CRYM: variants seen among roughly 807,000 people sequenced by gnomAD.
CRYM encodes the protein crystallin mu.
Under a neutral mutation model 32.9 loss-of-function variants are expected in CRYM, and 18 were observed. That is an observed-to-expected ratio of 0.55 (90% CI 0.38 to 0.81). The LOEUF is 0.81. Ranked by LOEUF, CRYM falls within the 30% of genes least tolerant of loss-of-function variation. The pLI is 0.00. For synonymous variants in CRYM, 153 were observed against 152.4 expected (o/e 1.00, Z -0.03); for missense variants, 337 against 393.5 (o/e 0.86, Z 1.21).
In CRYM at chr16:21,278,116, C is replaced by A. The variant is rs571066423; in HGVS notation, c.136G>T (p.Val46Leu). The A allele has an allele frequency of 8.4e-6, 13 of 1,548,584 alleles. No homozygotes were observed. In the East Asian group the frequency reaches 2.0e-4, roughly 23 times the overall value. The change falls in exon 1 of 8, where the codon GTG becomes TTG. Residue 46 changes from valine (V) to leucine (L), a missense_variant. Transcript: ENST00000572914. ...SGPEGGVMQP[V>L]RTVVPVTKHR... ...TTGGTCACCGGCACCACGGTGCGCACGGGCTGCATGACCCCTCCTTCGGGA... is the reference window on the plus strand; with the variant it reads ...TTGGTCACCGGCACCACGGTGCGCAAGGGCTGCATGACCCCTCCTTCGGGA...
At position 21,277,363 on chromosome 16, in the gene CRYM, G is replaced by T. The variant is rs2093388691; in HGVS notation, c.324+68C>A. 2 of 1,566,640 alleles carry T rather than the reference G, an allele frequency of 1.3e-6. No homozygotes were observed. Among genetic ancestry groups the T allele is most frequent in the Admixed American group, 1.7e-5 (1 of 59,562 alleles). On this transcript the variant is annotated intron_variant, in intron 2 of 7. Coordinates refer to ENST00000572914, the MANE Select transcript of CRYM (RefSeq NM_001376256.1). This position sits in a 1 kb window ranked among gnomAD's most constrained non-coding sequence, Gnocchi z 4.2. ...CAATCAAGACTCCCCCTGCTGCGGA[G>T]AACTTACTTTTGAGCTTCAATCTGG...
chr16:21,283,365 A>G (rs1409340387), intron 1 of CRYM: 1 of 152,228 alleles, frequency 6.6e-6, no homozygotes, highest in Non-Finnish European at 1.5e-5. Context: ...AAAATTTTCA[A>G]CAAAGACGGC....
chr16:21,298,671 A>G (rs1189870262), intron 1 of CRYM, among the ~76,000 whole-genome samples: 1 of 152,250 alleles, frequency 6.6e-6, no homozygotes, highest in Non-Finnish European at 1.5e-5. Flanking sequence ...AAAGCAATGG[A>G]TACTTTTTAT....
chr16:21,278,260 C>A lies in CRYM; in HGVS notation c.-9G>T. ...GCTGGTACCCGGCTCATCTCGCCACCTGTGCCTTCTAACCTCAGTCTCCGC... is the reference window on the plus strand; with the variant it reads ...GCTGGTACCCGGCTCATCTCGCCACATGTGCCTTCTAACCTCAGTCTCCGC... On this transcript the variant is annotated 5_prime_UTR_variant, in exon 1 of 8. In the 5' UTR this introduces an upstream ATG that the reference lacks. Transcript: ENST00000572914. 6.3e-7 allele frequency: 1 copy of A among 1,583,096 alleles called. No individual in the cohort carries two copies. The highest frequency in any genetic ancestry group is 8.6e-7 in the Non-Finnish European group (1 of 1,169,326).
chr16:21,297,318 G>A (rs71374857), intron 1 of CRYM, among the ~76,000 whole-genome samples: 24 of 151,978 alleles, frequency 1.6e-4, no homozygotes, highest in African/African-American at 3.6e-4. Flanking sequence ...TGCTTGATCC[G>A]GGAGGCAGAG....
intron 6 of CRYM, 84 bp from the exon 7 acceptor site, chr16:21,261,422 G>C (rs938459792): frequency 1.2e-6 from 1 of 840,502 alleles, no homozygotes; most frequent in Admixed American, 1.9e-5. Context: ...GGGAATTCCT[G>C]AATTGGATAA....
At chr16:21,281,404 C>T (rs1049558371), upstream of CRYM, among the ~76,000 whole-genome samples, 5 of 151,718 alleles carry the variant, frequency 3.3e-5, no homozygotes, top group African/African-American at 1.2e-4. Context: ...TTTGTACTTT[C>T]AGTAGAGATG....
Position 21,270,154 on chromosome 16 carries a change from T to C in CRYM, c.388-263A>G, listed in dbSNP as rs1230937563. Reference sequence around the variant, plus strand: ...TTAGTCTAGACATTGACCCTACGAGTTGGGGACTCCTACTATCTTCTTCTT... The same window carrying C: ...TTAGTCTAGACATTGACCCTACGAGCTGGGGACTCCTACTATCTTCTTCTT... On this transcript the variant is annotated intron_variant, in intron 3 of 7. Transcript: ENST00000572914. Among the ~76,000 whole-genome samples, 8 of 152,296 alleles carry C rather than the reference T, an allele frequency of 5.3e-5. No individual in the cohort carries two copies. In the East Asian group the frequency reaches 1.2e-3, roughly 22 times the overall value.
intron 1 of CRYM, among the ~76,000 whole-genome samples, chr16:21,295,557 T>A (rs566552444): frequency 3.3e-5 from 5 of 152,316 alleles, no homozygotes; most frequent in African/African-American, 1.2e-4. Flanking sequence ...TTTTGTATGT[T>A]GTGCTTTTCA....
At chr16:21,299,501 G>T (rs1194912881) in intron 1 of CRYM, among the ~76,000 whole-genome samples, 1 of 152,062 alleles carries the variant, frequency 6.6e-6, no homozygotes, top group East Asian at 1.9e-4. Context: ...GTAGAGACAG[G>T]GTTTCGCCAT....
chr16:21,260,112 G>C (rs993279324), intron 7 of CRYM, among the ~76,000 whole-genome samples: 3 of 152,128 alleles, frequency 2.0e-5, no homozygotes, highest in Admixed American at 2.0e-4. Flanking sequence ...TTAACCAATG[G>C]CATGGGCTCT....
At chr16:21,297,122 G>C (rs1302779630) in intron 1 of CRYM, among the ~76,000 whole-genome samples, 3 of 152,100 alleles carry the variant, frequency 2.0e-5, no homozygotes, top group Admixed American at 6.6e-5. Flanking sequence ...GGCCAGGCGC[G>C]GTGGCTCACG....
At chr16:21,271,889 C>T (rs1306224709) in intron 3 of CRYM, among the ~76,000 whole-genome samples, 3 of 151,786 alleles carry the variant, frequency 2.0e-5, no homozygotes, top group African/African-American at 2.4e-5. Flanking sequence ...GAGACAGTCT[C>T]GCTTTGTCGC....
intron 4 of CRYM, among the ~76,000 whole-genome samples, chr16:21,269,130 C>T (rs1292374865): frequency 5.4e-5 from 7 of 129,538 alleles, no homozygotes; most frequent in South Asian, 2.3e-4. Flanking sequence ...GGCGACAGCG[C>T]GAGACTCCAT....
At chr16:21,270,010 G>T (rs2152862340) in intron 3 of CRYM, 119 bp from the exon 4 acceptor site, 2 of 727,590 alleles carry the variant, frequency 2.7e-6, no homozygotes, top group African/African-American at 1.7e-5. Flanking sequence ...TCAAGAGCTT[G>T]CAGGCAATCA....
At chr16:21,300,404 T>C (rs935805597) in intron 1 of CRYM, 1 of 151,942 alleles carries the variant, frequency 6.6e-6, no homozygotes, top group African/African-American at 2.4e-5. Flanking sequence ...GCAATTTGAT[T>C]TAGAAGACTA....
At chr16:21,274,872 T>C (rs1038297623) in intron 3 of CRYM, among the ~76,000 whole-genome samples, 1 of 152,178 alleles carries the variant, frequency 6.6e-6, no homozygotes, top group African/African-American at 2.4e-5. Context: ...TCCCAAAATG[T>C]TGGGATTACA....
At chr16:21,265,350 G>A (rs2093361804) in intron 5 of CRYM, among the ~76,000 whole-genome samples, 1 of 152,088 alleles carries the variant, frequency 6.6e-6, no homozygotes. Flanking sequence ...TTCAGCTCTT[G>A]GCATGGCTGC....
At position 21,265,499 on chromosome 16, in the gene CRYM, G is replaced by C. The variant is rs915532782; in HGVS notation, c.673+2055C>G. Among the ~76,000 whole-genome samples, 34 of 152,078 alleles carry C rather than the reference G, an allele frequency of 2.2e-4. 1 individual carries two copies. Among genetic ancestry groups the C allele is most frequent in the Middle Eastern group, 3.4e-3 (1 of 294 alleles). On this transcript the variant is annotated intron_variant, in intron 5 of 7. Coordinates refer to ENST00000572914, the MANE Select transcript of CRYM (RefSeq NM_001376256.1). ...TATCACCCAGGGCCTTGTTCTTTCC[G>C]GTCTCATCTTTAGCCAGAACGATCT...
Sources: allele counts gnomAD v4.1 joint callset (sites outside exome capture counted in the v4.1 genomes callset), GRCh38; gene constraint gnomAD v4.1.1; non-coding constraint Gnocchi (gnomAD v3.1); transcripts MANE v1.5; gene names NCBI Gene and HGNC (gene_info 2026-07-23, HGNC 2026-07-21).